IL1RAPL1: variants seen among roughly 807,000 people sequenced by gnomAD.
The protein encoded by IL1RAPL1 is interleukin 1 receptor accessory protein like 1, also known as interleukin-1 receptor accessory protein-like 1.
In IL1RAPL1, 3 loss-of-function variants were observed where a neutral mutation model predicts 48.4. The observed-to-expected ratio is 0.06, with a 90% CI of 0.03 to 0.16. The LOEUF is 0.16. Ranked by LOEUF, IL1RAPL1 falls within the 10% of genes least tolerant of loss-of-function variation. IL1RAPL1 has a pLI of 1.00. For synonymous variants in IL1RAPL1, 185 were observed against 187.7 expected (o/e 0.99, Z 0.12); for missense variants, 349 against 530.6 (o/e 0.66, Z 3.36).
chrX:29,646,428 T>G (rs1925328347), intron 5 of IL1RAPL1, among the ~76,000 whole-genome samples: 1 of 110,085 alleles, frequency 9.1e-6, no homozygotes, highest in Admixed American at 9.6e-5. Flanking sequence ...AAGAATAAAA[T>G]GGAATGAAGA....
intron 1 of IL1RAPL1, among the ~76,000 whole-genome samples, chrX:28,675,084 A>T (rs752496080): frequency 8.9e-6 from 1 of 112,094 alleles, no homozygotes; most frequent in South Asian, 3.7e-4. Flanking sequence ...TGGACATATT[A>T]TTTTTAGTAG....
intron 1 of IL1RAPL1, among the ~76,000 whole-genome samples, chrX:28,768,844 A>G (rs1194719525): frequency 2.1e-5 from 2 of 95,612 alleles, no homozygotes; most frequent in Non-Finnish European, 4.1e-5. Context: ...ATATATATAT[A>G]TATATATGGC....
intron 1 of IL1RAPL1, among the ~76,000 whole-genome samples, chrX:28,746,554 G>A (rs1426402460): frequency 1.8e-5 from 2 of 111,739 alleles, no homozygotes; most frequent in African/African-American, 6.5e-5. Context: ...TTTCAAGCCA[G>A]AGTTGGAATA....
At chrX:29,562,827 C>CATCT (rs1922281094) in intron 5 of IL1RAPL1, among the ~76,000 whole-genome samples, 2 of 111,756 alleles carry the variant, frequency 1.8e-5, no homozygotes, top group Non-Finnish European at 3.8e-5. Context: ...ATCATAAAAA[C>CATCT]AGATAAAAAG....
chrX:29,044,544 A>T (rs1459015828), intron 2 of IL1RAPL1, among the ~76,000 whole-genome samples: 1 of 111,115 alleles, frequency 9.0e-6, no homozygotes, highest in Non-Finnish European at 1.9e-5. Context: ...ATCCCTAATG[A>T]TTAATATGTG....
rs1043373279 is a variant in IL1RAPL1 at position 28,695,236 on chromosome X, C to T, written c.-24-94084C>T. Among the ~76,000 whole-genome samples, 2 of 111,090 alleles carry T rather than the reference C, an allele frequency of 1.8e-5. 1 individual carries two copies. The highest frequency in any genetic ancestry group is 1.9e-4 in the Admixed American group (2 of 10,366). On this transcript the variant is annotated intron_variant, in intron 1 of 10. Coordinates refer to ENST00000378993, the MANE Select transcript of IL1RAPL1 (RefSeq NM_014271.4). Reference sequence around the variant, plus strand: ...ACTAAGCTTTTGCCAAATATTAGACCGTGTGCTGGGAGTTCTACGTGTCAT... The same window carrying T: ...ACTAAGCTTTTGCCAAATATTAGACTGTGTGCTGGGAGTTCTACGTGTCAT...
chrX:29,436,677 G>A (rs761304538), intron 5 of IL1RAPL1, among the ~76,000 whole-genome samples: 3 of 109,335 alleles, frequency 2.7e-5, no homozygotes, highest in African/African-American at 9.9e-5. Context: ...AAAATTACTG[G>A]GTTCTGAGTG....
rs144753940 is a variant in IL1RAPL1, at chrX:29,819,221, T to C, written c.779-98243T>C. On this transcript the variant is annotated intron_variant, in intron 6 of 10. Coordinates refer to ENST00000378993, the MANE Select transcript of IL1RAPL1 (RefSeq NM_014271.4). ...ATTTAGCAGCAAATTTAATATAACA[T>C]TTGAACTGCTAAAAGTCAAGTAGGA... Among the ~76,000 whole-genome samples the C allele has an allele frequency of 5.3e-4, 59 of 111,801 alleles. No individual in the cohort carries two copies. The East Asian group carries it at 0.016, about 30-fold the overall frequency.
intron 1 of IL1RAPL1, among the ~76,000 whole-genome samples, chrX:28,616,722 G>A (rs903737907): frequency 2.7e-5 from 3 of 111,838 alleles, no homozygotes; most frequent in African/African-American, 9.8e-5. Flanking sequence ...GTGAGCCACC[G>A]CGCCCGGCCA....
chrX:29,630,541 CTT>C (rs58658010), intron 5 of IL1RAPL1, among the ~76,000 whole-genome samples: 1,054 of 97,395 alleles, frequency 0.011, 11 homozygotes, highest in African/African-American at 0.027. Flanking sequence ...TTTCTCCAGA[CTT>C]TTTTTTTTTT....
intron 6 of IL1RAPL1, among the ~76,000 whole-genome samples, chrX:29,780,675 G>A (rs1929317408): frequency 9.0e-6 from 1 of 111,170 alleles, no homozygotes; most frequent in African/African-American, 3.3e-5. Flanking sequence ...ATCTTATAAC[G>A]GTTATATTAT....
At chrX:29,556,480 T>G (rs1385984175) in intron 5 of IL1RAPL1, among the ~76,000 whole-genome samples, 1 of 110,115 alleles carries the variant, frequency 9.1e-6, no homozygotes, top group African/African-American at 3.3e-5. Context: ...AAACCCTGTC[T>G]CTACTAAAAA....
At chrX:29,499,441 A>C (rs777741295) in intron 5 of IL1RAPL1, among the ~76,000 whole-genome samples, 2 of 111,718 alleles carry the variant, frequency 1.8e-5, no homozygotes, top group South Asian at 7.5e-4. Flanking sequence ...GATTTTGTCA[A>C]ATATAATGTT....
At chrX:29,460,948 T>G (rs181477030) in intron 5 of IL1RAPL1, among the ~76,000 whole-genome samples, 1 of 111,765 alleles carries the variant, frequency 8.9e-6, no homozygotes. Flanking sequence ...TTATCAAAAT[T>G]AAACACTTTT....
At chrX:29,948,271 C>G (rs753642041) in intron 9 of IL1RAPL1, among the ~76,000 whole-genome samples, 3 of 111,288 alleles carry the variant, frequency 2.7e-5, no homozygotes, top group African/African-American at 9.8e-5. Flanking sequence ...TGTTTGAGAA[C>G]TTATAGATTC....
chrX:28,895,174 G>A (rs181053510), intron 2 of IL1RAPL1, among the ~76,000 whole-genome samples: 38 of 110,748 alleles, frequency 3.4e-4, no homozygotes, highest in African/African-American at 1.2e-3. Context: ...TCGGCACCAC[G>A]GGGTGGGTAG....
intron 2 of IL1RAPL1, among the ~76,000 whole-genome samples, chrX:29,086,769 A>G (rs1376958257): frequency 8.9e-6 from 1 of 111,881 alleles, no homozygotes; most frequent in East Asian, 2.8e-4. Context: ...ACTTAAATAG[A>G]TTAGGGAAAT....
At chrX:29,084,823 C>G (rs1213652294) in intron 2 of IL1RAPL1, among the ~76,000 whole-genome samples, 1 of 112,268 alleles carries the variant, frequency 8.9e-6, no homozygotes, top group Non-Finnish European at 1.9e-5. Flanking sequence ...TCCCGAGTAG[C>G]TGGGATTACA....
At chrX:29,837,994 A>C (rs1318971923) in intron 6 of IL1RAPL1, among the ~76,000 whole-genome samples, 1 of 111,983 alleles carries the variant, frequency 8.9e-6, no homozygotes, top group African/African-American at 3.3e-5. Context: ...TCATTTTCTC[A>C]GTCAGCTCAT....
Sources: gnomAD v4.1 joint callset for allele counts (sites outside exome capture counted in the v4.1 genomes callset) on GRCh38, gnomAD v4.1.1 for gene constraint, MANE v1.5 for transcripts, NCBI Gene and HGNC (gene_info 2026-07-23, HGNC 2026-07-21) for gene names.